UTS2B: variants seen among roughly 807,000 people sequenced by gnomAD.
UTS2B encodes the protein urotensin 2B.
A neutral mutation model predicts 19.2 loss-of-function variants in UTS2B; 21 were observed. That is an observed-to-expected ratio of 1.09 (90% CI 0.78 to 1.58). UTS2B has a LOEUF of 1.58. Ranked by LOEUF, UTS2B falls within the 40% of genes most tolerant of loss-of-function variation. UTS2B has a pLI of 0.00. For missense variants in UTS2B, 138 were observed against 130.3 expected (o/e 1.06, Z -0.29); for synonymous variants, 57 against 50.2 (o/e 1.14, Z -0.58).
At chr3:191,294,628 T>C (rs902927932) in intron 4 of UTS2B, 3 of 151,862 alleles carry the variant, frequency 2.0e-5, no homozygotes, top group South Asian at 2.1e-4. Context: ...GGGTCTCTTA[T>C]ATGTATTCTT....
chr3:191,275,754 A>G (rs891879978), intron 7 of UTS2B, among the ~76,000 whole-genome samples: 2 of 152,140 alleles, frequency 1.3e-5, no homozygotes, highest in African/African-American at 4.8e-5. Flanking sequence ...AAAGAAAGAA[A>G]AAAAAAGAGA....
At chr3:191,323,145 T>TTTTATGTTATTTTATTTTATTTA (rs149096213) in intron 2 of UTS2B, among the ~76,000 whole-genome samples, 47 of 148,886 alleles carry the variant, frequency 3.2e-4, no homozygotes, top group African/African-American at 6.7e-4. Flanking sequence ...TTTTATTTTA[T>TTTTATGTTATTTTATTTTATTTA]TTTATTTATT....
chr3:191,314,465 C>G (rs984083523), intron 3 of UTS2B, among the ~76,000 whole-genome samples: 7 of 152,178 alleles, frequency 4.6e-5, no homozygotes, highest in Non-Finnish European at 1.0e-4. Flanking sequence ...GGCTAAATTT[C>G]ATGTGTTACT....
intron 3 of UTS2B, among the ~76,000 whole-genome samples, chr3:191,315,796 T>A (rs191226609): frequency 1.7e-3 from 259 of 152,376 alleles, no homozygotes; most frequent in African/African-American, 5.9e-3. Flanking sequence ...AATATGTTTT[T>A]AAATTTTATT....
chr3:191,316,955 C>A (rs531610288), intron 2 of UTS2B, among the ~76,000 whole-genome samples: 1 of 152,264 alleles, frequency 6.6e-6, no homozygotes, highest in Admixed American at 6.5e-5. Flanking sequence ...CTTAGCCTAG[C>A]GGATCCCACG....
chr3:191,283,326 T>C (rs965644565), intron 4 of UTS2B, among the ~76,000 whole-genome samples: 1 of 152,214 alleles, frequency 6.6e-6, no homozygotes, highest in Non-Finnish European at 1.5e-5. Flanking sequence ...CATGGTTGCC[T>C]AGAATCCTTT....
chr3:191,317,843 G>C (rs925186166), intron 2 of UTS2B, among the ~76,000 whole-genome samples: 1 of 152,154 alleles, frequency 6.6e-6, no homozygotes, highest in South Asian at 2.1e-4. Flanking sequence ...CCTTCCCAAA[G>C]TACTGGGATT....
At chr3:191,336,430 G>A in the UTS2B span, among the ~76,000 whole-genome samples, 1 of 152,006 alleles carries the variant, frequency 6.6e-6, no homozygotes, top group Non-Finnish European at 1.5e-5. Context: ...TCATGATGTT[G>A]TGCCTTTTTT....
chr3:191,333,220 T>C (rs1400718465), upstream of UTS2B, among the ~76,000 whole-genome samples: 1 of 152,164 alleles, frequency 6.6e-6, no homozygotes, highest in Non-Finnish European at 1.5e-5. Context: ...CCTTTTTCTT[T>C]AGTGAAAGAT....
intron 8 of UTS2B, 124 bp downstream of exon 8, chr3:191,275,128 T>C (rs998280134): frequency 4.6e-5 from 29 of 635,270 alleles, no homozygotes; most frequent in South Asian, 7.8e-5. Flanking sequence ...TTTTTTAATA[T>C]GAGCCTTTAT....
intron 1 of UTS2B, among the ~76,000 whole-genome samples, chr3:191,330,117 A>AT (rs1717916197): frequency 6.6e-6 from 1 of 152,028 alleles, no homozygotes; most frequent in South Asian, 2.1e-4. Flanking sequence ...AGGGGTTGAC[A>AT]TTCAGTTCCG....
the UTS2B span, among the ~76,000 whole-genome samples, chr3:191,337,433 C>T: frequency 4.6e-5 from 7 of 151,736 alleles, no homozygotes; most frequent in African/African-American, 7.3e-5. Context: ...CTAGCTCTGA[C>T]GCCCAGGCTC....
chr3:191,297,027 T>C lies in UTS2B; in HGVS notation c.-125+7465A>G, dbSNP rs189199832. On this transcript the variant is annotated intron_variant, in intron 4 of 8. Transcript: ENST00000340524. ...GATGCTTATTGCGCTTGGGAAACAA[T>C]GTCAACATCTGTGAGAAAGAAAAAA... Among the ~76,000 whole-genome samples the C allele has an allele frequency of 1.2e-3, 188 of 152,288 alleles. 1 individual carries two copies. The highest frequency in any genetic ancestry group is 6.8e-3 in the Middle Eastern group (2 of 294).
upstream of UTS2B, among the ~76,000 whole-genome samples, chr3:191,331,433 G>A (rs1193916018): frequency 6.6e-6 from 1 of 152,100 alleles, no homozygotes; most frequent in Non-Finnish European, 1.5e-5. Context: ...AAAAATGCAA[G>A]ATTTTTCCAT....
At chr3:191,287,492 G>A (rs531653943) in intron 4 of UTS2B, among the ~76,000 whole-genome samples, 114 of 151,998 alleles carry the variant, frequency 7.5e-4, no homozygotes, top group African/African-American at 2.5e-3. Context: ...ATCGAACGAA[G>A]AACAAAACTA....
At chr3:191,329,794 C>T (rs1717888377) in intron 1 of UTS2B, 13 of 1,525,560 alleles carry the variant, frequency 8.5e-6, no homozygotes, top group Non-Finnish European at 9.8e-6. Context: ...AGGTCAGGGG[C>T]GTTGCCATTT....
chr3:191,268,666 T>C (rs1452356214), intron 8 of UTS2B, among the ~76,000 whole-genome samples: 1 of 152,202 alleles, frequency 6.6e-6, no homozygotes, highest in Non-Finnish European at 1.5e-5. Context: ...ATAGCACTTG[T>C]AGCCAGTGAC....
chr3:191,300,290 C>T lies in UTS2B; in HGVS notation c.-125+4202G>A, dbSNP rs1158068065. Among the ~76,000 whole-genome samples, 17 of 152,012 alleles carry T rather than the reference C, an allele frequency of 1.1e-4. 1 individual carries two copies. The South Asian group carries it at 2.1e-3, about 19-fold the overall frequency. ...GTCTCAAACTGCTGACCTCATGATC[C>T]GCCCACCTCAGCCTCCCAAAGTGCT... On this transcript the variant is annotated intron_variant, in intron 4 of 8. Coordinates refer to ENST00000340524, the MANE Select transcript of UTS2B (RefSeq NM_198152.5).
intron 4 of UTS2B, among the ~76,000 whole-genome samples, chr3:191,282,857 A>C (rs904493551): frequency 6.6e-6 from 1 of 152,342 alleles, no homozygotes; most frequent in Non-Finnish European, 1.5e-5. Flanking sequence ...TCTTTTAAAA[A>C]TTAAGGCTGA....
Sources: gnomAD v4.1 joint callset for allele counts (sites outside exome capture counted in the v4.1 genomes callset) on GRCh38, gnomAD v4.1.1 for gene constraint, MANE v1.5 for transcripts, NCBI Gene and HGNC (gene_info 2026-07-23, HGNC 2026-07-21) for gene names.